FAM222A: variants seen among roughly 807,000 people sequenced by gnomAD.
FAM222A encodes the protein protein FAM222A.
A neutral mutation model predicts 25.8 loss-of-function variants in FAM222A; 7 were observed. That is an observed-to-expected ratio of 0.27 (90% confidence interval 0.15 to 0.51). FAM222A has a LOEUF of 0.51. Ranked by LOEUF, FAM222A falls within the 20% of genes least tolerant of loss-of-function variation. The pLI, the probability that FAM222A is intolerant of heterozygous loss-of-function variation, is 0.97. For synonymous variants in FAM222A, 294 were observed against 298.8 expected, an observed-to-expected ratio of 0.98 and a Z score of 0.17; for missense variants, 573 against 640.5, an observed-to-expected ratio of 0.89 and a Z score of 1.14.
Position 109,768,335 on chromosome 12 carries a change from C to T in FAM222A, c.406C>T (p.Leu136=). The change falls in exon 3 of 3, where the codon CTG becomes TTG. Residue 136 remains leucine, a synonymous_variant. Transcript: ENST00000538780. ...GAGCGCCGAGGGCAAGCGGACCAAGCTGTCACCGGCCGCCGTGCAGGTGGG... is the reference window on the plus strand; with the variant it reads ...GAGCGCCGAGGGCAAGCGGACCAAGTTGTCACCGGCCGCCGTGCAGGTGGG... The part of the protein sequence containing the change: ...LKSAEGKRTK[L]SPAAVQVGIA... 1.3e-6 allele frequency: 2 copies of T among 1,597,798 alleles called. No homozygotes were observed. Among genetic ancestry groups the T allele is most frequent in the Non-Finnish European group, 1.7e-6 (2 of 1,174,554 alleles).
At chr12:109,747,745 A>G (rs1350144821) in intron 2 of FAM222A, among the ~76,000 whole-genome samples, 4 of 152,160 alleles carry the variant, frequency 2.6e-5, no homozygotes, top group African/African-American at 7.2e-5. Context: ...GTGGAAGGTC[A>G]CTTATATGAA....
chr12:109,748,229 A>T (rs1418142578), intron 2 of FAM222A, among the ~76,000 whole-genome samples: 1 of 152,040 alleles, frequency 6.6e-6, no homozygotes, highest in African/African-American at 2.4e-5. Flanking sequence ...ATTAAACCCC[A>T]GTTGGTCATG....
chr12:109,755,796 G>T (rs1245377408), intron 2 of FAM222A, among the ~76,000 whole-genome samples: 1 of 152,176 alleles, frequency 6.6e-6, no homozygotes, highest in Non-Finnish European at 1.5e-5. Context: ...AAATGTAAGG[G>T]TTTATTTCTG....
At chr12:109,761,158 C>T (rs898260926) in intron 2 of FAM222A, among the ~76,000 whole-genome samples, 4 of 152,192 alleles carry the variant, frequency 2.6e-5, no homozygotes, top group East Asian at 1.9e-4. Flanking sequence ...CAGTGTGTGG[C>T]AGAGCTGGGA....
At chr12:109,743,005 C>CT (rs1403803225) in intron 1 of FAM222A, among the ~76,000 whole-genome samples, 5 of 152,146 alleles carry the variant, frequency 3.3e-5, no homozygotes, top group Non-Finnish European at 7.4e-5. Context: ...CTTTCTTCTT[C>CT]TTTTTTAAAA....
chr12:109,723,835 G>A (rs545756337), intron 1 of FAM222A, among the ~76,000 whole-genome samples: 4 of 152,304 alleles, frequency 2.6e-5, no homozygotes, highest in African/African-American at 4.8e-5. Flanking sequence ...CCCCACTCCC[G>A]GTTCAGACAA....
intron 1 of FAM222A, among the ~76,000 whole-genome samples, chr12:109,729,507 A>G (rs1887903187): frequency 6.6e-6 from 1 of 152,248 alleles, no homozygotes; most frequent in African/African-American, 2.4e-5. Flanking sequence ...CCACGAGGGC[A>G]CCACCCAAAT....
intron 1 of FAM222A, among the ~76,000 whole-genome samples, chr12:109,723,280 C>T (rs530449113): frequency 4.3e-4 from 65 of 152,294 alleles, no homozygotes; most frequent in Non-Finnish European, 8.8e-5. Context: ...CCTTGATTTC[C>T]CTACCTGCGT....
At chr12:109,733,453 G>A (rs902421987) in intron 1 of FAM222A, among the ~76,000 whole-genome samples, 1 of 151,488 alleles carries the variant, frequency 6.6e-6, no homozygotes, top group African/African-American at 2.4e-5. Context: ...CCAGGCTGGA[G>A]TGCAGTGGCG....
intron 1 of FAM222A, among the ~76,000 whole-genome samples, chr12:109,722,344 G>T (rs902765300): frequency 6.6e-6 from 1 of 152,226 alleles, no homozygotes; most frequent in African/African-American, 2.4e-5. Flanking sequence ...GTGAGGTCCC[G>T]TCTAAGAGTA....
intron 1 of FAM222A, among the ~76,000 whole-genome samples, 199 bp downstream of exon 1, chr12:109,715,096 G>A (rs770688590): frequency 1.3e-5 from 2 of 152,206 alleles, no homozygotes; most frequent in Non-Finnish European, 2.9e-5. Context: ...GGGCCCATTC[G>A]GATTCCGCGG....
intron 2 of FAM222A, among the ~76,000 whole-genome samples, chr12:109,760,154 C>T (rs190117227): frequency 1.3e-5 from 2 of 152,184 alleles, no homozygotes; most frequent in East Asian, 3.9e-4. Flanking sequence ...GGGTGGAGGC[C>T]ATCCCTGCCT....
intron 2 of FAM222A, among the ~76,000 whole-genome samples, chr12:109,755,570 A>G (rs1888703309): frequency 6.6e-6 from 1 of 151,848 alleles, no homozygotes; most frequent in African/African-American, 2.4e-5. Flanking sequence ...TCCGGTGATC[A>G]GCCCGCCTCG....
At chr12:109,742,510 G>A (rs1184420737) in intron 1 of FAM222A, among the ~76,000 whole-genome samples, 1 of 152,114 alleles carries the variant, frequency 6.6e-6, no homozygotes, top group African/African-American at 2.4e-5. Context: ...AGTGGATACT[G>A]CAGCTTTTAT....
chr12:109,715,588 C>T (rs1887627669), intron 1 of FAM222A, among the ~76,000 whole-genome samples: 1 of 152,108 alleles, frequency 6.6e-6, no homozygotes, highest in Admixed American at 6.5e-5. Context: ...AGGCGGACTC[C>T]CCCCACCCCT....
In FAM222A at chr12:109,742,605, C is replaced by G. The variant is rs559108037; in HGVS notation, c.-46-1496C>G. Reference sequence around the variant, plus strand: ...CCTCCATCCTCCACTCTCTCTCTCTCTCGCTCTTTTTTTTTTTTTCTTGAG... The same window carrying G: ...CCTCCATCCTCCACTCTCTCTCTCTGTCGCTCTTTTTTTTTTTTTCTTGAG... On this transcript the variant is annotated intron_variant, in intron 1 of 2. Coordinates refer to ENST00000538780, the MANE Select transcript of FAM222A (RefSeq NM_032829.3). Among the ~76,000 whole-genome samples the G allele has an allele frequency of 2.3e-4, 27 of 117,034 alleles. No homozygotes were observed. The Admixed American group carries it at 2.6e-3, about 11-fold the overall frequency. 76.8% of individuals were successfully genotyped at this position (117,034 alleles called of 152,430 possible).
chr12:109,736,202 TTC>T (rs1036450329), intron 1 of FAM222A, among the ~76,000 whole-genome samples: 20 of 152,336 alleles, frequency 1.3e-4, no homozygotes, highest in African/African-American at 4.8e-4. Flanking sequence ...CTCCTTCATG[TTC>T]TCTGTTTGCT....
intron 2 of FAM222A, among the ~76,000 whole-genome samples, chr12:109,753,345 C>A (rs1033525795): frequency 3.3e-5 from 5 of 152,174 alleles, no homozygotes; most frequent in African/African-American, 1.2e-4. Context: ...TGTGCCCACC[C>A]TGCCCCATCC....
intron 1 of FAM222A, 50 bp from the exon 2 acceptor site, chr12:109,744,051 G>A (rs967663327): frequency 4.5e-5 from 67 of 1,502,060 alleles, no homozygotes; most frequent in Non-Finnish European, 5.7e-5. Flanking sequence ...GGTGGGAGGC[G>A]AACACGGAGC....
Sources: gnomAD v4.1 joint callset for allele counts (sites outside exome capture counted in the v4.1 genomes callset) on GRCh38, gnomAD v4.1.1 for gene constraint, MANE v1.5 for transcripts, NCBI Gene and HGNC (gene_info 2026-07-23, HGNC 2026-07-21) for gene names.